NBAS: variants seen among roughly 807,000 people sequenced by gnomAD.
The protein encoded by NBAS is NAG/BC035112 fusion.
A neutral mutation model predicts 302.5 loss-of-function variants in NBAS; 219 were observed. The ratio of observed to expected loss-of-function variants is 0.72; its 90% CI spans 0.65 to 0.81. NBAS has a LOEUF of 0.81. Among genes scored for constraint, NBAS ranks in the 30% least tolerant of loss-of-function variants. The pLI is 0.00. For missense variants in NBAS, 2,932 were observed against 2,841.6 expected (o/e 1.03, Z -0.72); for synonymous variants, 1,118 against 1,021.6 (o/e 1.09, Z -1.80).
intron 26 of NBAS, among the ~76,000 whole-genome samples, chr2:15,401,631 T>C (rs1183232487): frequency 6.6e-6 from 1 of 152,178 alleles, no homozygotes; most frequent in Non-Finnish European, 1.5e-5. Flanking sequence ...ATTAGATTGC[T>C]ACCTGACTTC....
chr2:15,170,495 G>A (rs1333941345), intron 51 of NBAS, among the ~76,000 whole-genome samples: 3 of 152,200 alleles, frequency 2.0e-5, no homozygotes, highest in East Asian at 1.9e-4. Context: ...AAAGGTCTGC[G>A]TTTGCTGACC....
chr2:14,928,475 T>C, the NBAS span, among the ~76,000 whole-genome samples: 1 of 152,186 alleles, frequency 6.6e-6, no homozygotes, highest in African/African-American at 2.4e-5. Context: ...AAAATAATTT[T>C]TGTATATGAG....
At chr2:14,797,567 C>G in the NBAS span, among the ~76,000 whole-genome samples, 1 of 152,230 alleles carries the variant, frequency 6.6e-6, no homozygotes, top group Admixed American at 6.5e-5. Context: ...TTAGGTGCCA[C>G]TGCATCCCCC....
chr2:15,137,306 T>C, the NBAS span, among the ~76,000 whole-genome samples: 4 of 152,200 alleles, frequency 2.6e-5, no homozygotes, highest in African/African-American at 9.7e-5. Flanking sequence ...ATTAATCTAG[T>C]CAAATTGTTT....
intron 11 of NBAS, among the ~76,000 whole-genome samples, chr2:15,499,629 G>A (rs1558392233): frequency 1.3e-5 from 2 of 152,142 alleles, no homozygotes; most frequent in African/African-American, 4.8e-5. Flanking sequence ...GAGGGTGGGA[G>A]GAGGGAGAGG....
the NBAS span, among the ~76,000 whole-genome samples, chr2:14,989,220 C>T: frequency 1.3e-5 from 2 of 151,618 alleles, no homozygotes; most frequent in African/African-American, 4.9e-5. Flanking sequence ...TGTAATATAT[C>T]ATTTTCAAAA....
chr2:14,941,180 G>A, the NBAS span, among the ~76,000 whole-genome samples: 1 of 152,070 alleles, frequency 6.6e-6, no homozygotes, highest in Admixed American at 6.5e-5. Context: ...AAAAGTAAGG[G>A]AAGGCTCATA....
intron 25 of NBAS, among the ~76,000 whole-genome samples, chr2:15,408,573 T>C (rs749998010): frequency 1.3e-5 from 2 of 152,222 alleles, no homozygotes; most frequent in African/African-American, 2.4e-5. Context: ...CTGTAAATGA[T>C]AAACTCTCTG....
At chr2:14,934,035 T>C in the NBAS span, among the ~76,000 whole-genome samples, 1 of 152,182 alleles carries the variant, frequency 6.6e-6, no homozygotes, top group African/African-American at 2.4e-5. Context: ...TGTGCTTTGG[T>C]GATAAATAAT....
chr2:15,264,992 T>C (rs1669014576), intron 44 of NBAS, among the ~76,000 whole-genome samples: 2 of 152,200 alleles, frequency 1.3e-5, no homozygotes, highest in African/African-American at 4.8e-5. Flanking sequence ...CATGCCACTA[T>C]TCACAAGTAT....
chr2:15,145,442 C>T, the NBAS span, among the ~76,000 whole-genome samples: 2 of 149,080 alleles, frequency 1.3e-5, no homozygotes. Context: ...TGTCTTCATG[C>T]CTAGTGTATG....
intron 48 of NBAS, among the ~76,000 whole-genome samples, chr2:15,197,667 T>C (rs1665685524): frequency 6.6e-6 from 1 of 152,208 alleles, no homozygotes; most frequent in South Asian, 2.1e-4. Context: ...CTTGTTACTC[T>C]CAGCTTCAGT....
the NBAS span, among the ~76,000 whole-genome samples, chr2:14,975,266 T>C: frequency 4.6e-5 from 7 of 152,290 alleles, no homozygotes; most frequent in African/African-American, 1.7e-4. Context: ...TAATAAAGGG[T>C]ATTGTTTTAA....
At chr2:14,815,640 T>C in the NBAS span, among the ~76,000 whole-genome samples, 1 of 152,178 alleles carries the variant, frequency 6.6e-6, no homozygotes, top group Non-Finnish European at 1.5e-5. Flanking sequence ...CTTTTATATA[T>C]TGCTAGTGCC....
chr2:15,173,053 A>G (rs1664368711), intron 51 of NBAS, among the ~76,000 whole-genome samples: 1 of 152,238 alleles, frequency 6.6e-6, no homozygotes, highest in African/African-American at 2.4e-5. Flanking sequence ...ATACAGGCAA[A>G]CAAATCATGA....
At chr2:14,872,406 A>G in the NBAS span, among the ~76,000 whole-genome samples, 5 of 152,162 alleles carry the variant, frequency 3.3e-5, no homozygotes, top group East Asian at 5.8e-4. Flanking sequence ...CAGAATATGC[A>G]TATTTTTTTT....
chr2:15,033,990 A>G, the NBAS span, among the ~76,000 whole-genome samples: 2 of 42,142 alleles, frequency 4.7e-5, no homozygotes, highest in Admixed American at 3.6e-4. Context: ...AAGAGGAAGA[A>G]GAAGAAGAAG....
At chr2:15,347,525 C>T (rs1293463391) in intron 35 of NBAS, among the ~76,000 whole-genome samples, 1 of 152,192 alleles carries the variant, frequency 6.6e-6, no homozygotes, top group Non-Finnish European at 1.5e-5. Flanking sequence ...TAGCTCTATA[C>T]TTAGCCCATG....
chr2:15,337,766 C>A (rs1362739905), intron 35 of NBAS, among the ~76,000 whole-genome samples: 5 of 152,048 alleles, frequency 3.3e-5, no homozygotes, highest in South Asian at 2.1e-4. Flanking sequence ...GGGCAGTCTA[C>A]CAAGATCATA....
Sources: allele counts gnomAD v4.1 joint callset (sites outside exome capture counted in the v4.1 genomes callset), GRCh38; gene constraint gnomAD v4.1.1; transcripts MANE v1.5; gene names NCBI Gene and HGNC (gene_info 2026-07-23, HGNC 2026-07-21).